Variants in ELAVL3 observed in about 807,000 individuals in gnomAD.
The protein encoded by ELAVL3 is ELAV like RNA binding protein 3.
A neutral mutation model predicts 34.2 loss-of-function variants in ELAVL3; 8 were observed. The ratio of observed to expected loss-of-function variants is 0.23; its 90% CI spans 0.14 to 0.42. The LOEUF (loss-of-function observed/expected upper bound fraction) is 0.42. ELAVL3 is among the 10% of genes least tolerant of loss of function. The probability of loss-of-function intolerance (pLI) is 1.00; values close to 1 mark genes in which losing one functional copy is unlikely to be tolerated. For synonymous variants in ELAVL3, 209 were observed against 222.1 expected (o/e 0.94, Z 0.53); for missense variants, 273 against 518.8 (o/e 0.53, Z 4.60).
chr19:11,465,175 CACAT>C (rs1256800155), intron 3 of ELAVL3, among the ~76,000 whole-genome samples: 2 of 144,070 alleles, frequency 1.4e-5, no homozygotes, highest in Non-Finnish European at 3.0e-5. Context: ...ATACCACACA[CACAT>C]ACACGTAATA....
chr19:11,467,680 C>T (rs552054161), intron 1 of ELAVL3, among the ~76,000 whole-genome samples: 9 of 152,096 alleles, frequency 5.9e-5, no homozygotes, highest in African/African-American at 2.2e-4. Context: ...GATGGGGTTT[C>T]GGCACGTTGG....
At chr19:11,461,607 G>T (rs1970887251) in intron 3 of ELAVL3, among the ~76,000 whole-genome samples, 1 of 151,000 alleles carries the variant, frequency 6.6e-6, no homozygotes, top group African/African-American at 2.4e-5. Flanking sequence ...TTGTTTGTGG[G>T]TTTGTTTTGA....
chr19:11,470,233 T>C (rs1331389109), intron 1 of ELAVL3, among the ~76,000 whole-genome samples: 1 of 151,920 alleles, frequency 6.6e-6, no homozygotes, highest in Non-Finnish European at 1.5e-5. Flanking sequence ...CACACGCCTG[T>C]AATCCCAGCT....
chr19:11,454,154 T>C lies in ELAVL3; in HGVS notation c.*372A>G. ...CAAGGGGGTCTGGGAGGGCACCCCC[T>C]GGAGCCCCCCAAGCCATCCCATCGG... On this transcript the variant is annotated 3_prime_UTR_variant, in exon 7 of 7. Coordinates refer to ENST00000359227, the MANE Select transcript of ELAVL3 (RefSeq NM_001420.4). This position sits in a 1 kb window ranked among gnomAD's most constrained non-coding sequence, Gnocchi z 9.2. 1 of 191,520 alleles carries C rather than the reference T, an allele frequency of 5.2e-6. No individual in the cohort carries two copies. Among genetic ancestry groups the C allele is most frequent in the South Asian group, 1.2e-4 (1 of 8,078 alleles). 11.9% of individuals were successfully genotyped at this position (191,520 alleles called of 1,614,324 possible). A position where few individuals can be genotyped will look rare whatever the true frequency, so the allele number is the denominator to read the frequency against.
intron 6 of ELAVL3, among the ~76,000 whole-genome samples, chr19:11,456,636 A>G (rs1158013613): frequency 1.3e-5 from 2 of 151,442 alleles, no homozygotes; most frequent in East Asian, 3.9e-4. Flanking sequence ...AGTAGCTGGG[A>G]TTACAGGCAT....
Position 11,464,123 on chromosome 19 carries a change from G to GTCTCTCTCTC in ELAVL3, c.333+2039_333+2048dup, listed in dbSNP as rs1165917141. Among the ~76,000 whole-genome samples, 86 of 110,946 alleles carry GTCTCTCTCTC rather than the reference G, an allele frequency of 7.8e-4. 1 individual carries two copies. The highest frequency in any genetic ancestry group is 4.4e-3 in the Middle Eastern group (1 of 226). The allele number at this position is 110,946 out of a possible 152,430, so 72.8% of individuals were successfully genotyped here. On this transcript the variant is annotated intron_variant, in intron 3 of 6. Coordinates refer to ENST00000359227, the MANE Select transcript of ELAVL3 (RefSeq NM_001420.4). ...CCTCTCTCTCTCTCTGTCTCTCTCTGTCTCTCTCTCTCTCTCTCTCTCTCT... is the reference window on the plus strand; with the variant it reads ...CCTCTCTCTCTCTCTGTCTCTCTCTGTCTCTCTCTCTCTCTCTCTCTCTCTCTCTCTCTCT...
At position 11,466,486 on chromosome 19, in the gene ELAVL3, C is replaced by T; in HGVS notation, c.229+122G>A. 8.1e-7 allele frequency: 1 copy of T among 1,229,222 alleles called. No homozygotes were observed. The allele number at this position is 1,229,222 out of a possible 1,614,324, so 76.1% of individuals were successfully genotyped here. A position where few individuals can be genotyped will look rare whatever the true frequency, so the allele number is the denominator to read the frequency against. On this transcript the variant is annotated intron_variant, in intron 2 of 6. Coordinates refer to ENST00000359227, the MANE Select transcript of ELAVL3 (RefSeq NM_001420.4). The surrounding 1 kb of genome is among the most constrained non-coding windows in gnomAD (Gnocchi z 5.0). ...CATCTCCCCATCAGACCTCACATCC[C>T]TAGACCACCTCCTGCCTCGATTACC...
intron 3 of ELAVL3, among the ~76,000 whole-genome samples, chr19:11,461,072 G>A (rs1171869888): frequency 2.0e-5 from 3 of 151,562 alleles, no homozygotes; most frequent in African/African-American, 4.8e-5. Flanking sequence ...CCAGCTACTC[G>A]GGAGACTGAG....
At chr19:11,455,991 C>G (rs1289054938) in intron 6 of ELAVL3, among the ~76,000 whole-genome samples, 1 of 152,202 alleles carries the variant, frequency 6.6e-6, no homozygotes, top group East Asian at 1.9e-4. Flanking sequence ...CCTTCTGGCC[C>G]TCTTTGCACA....
intron 1 of ELAVL3, among the ~76,000 whole-genome samples, chr19:11,469,499 C>T (rs1436977407): frequency 2.6e-5 from 4 of 151,724 alleles, no homozygotes; most frequent in African/African-American, 2.4e-5. Context: ...ACACTGGTCT[C>T]GAACTCTTGA....
chr19:11,460,909 T>C (rs1970869100), intron 3 of ELAVL3, among the ~76,000 whole-genome samples: 1 of 150,640 alleles, frequency 6.6e-6, no homozygotes, highest in Non-Finnish European at 1.5e-5. Context: ...CCCAGTGCTC[T>C]GGAAGTTCAA....
At chr19:11,455,784 A>C (rs1323414680) in intron 6 of ELAVL3, among the ~76,000 whole-genome samples, 1 of 152,098 alleles carries the variant, frequency 6.6e-6, no homozygotes, top group Non-Finnish European at 1.5e-5. Context: ...TCCCTGCAAG[A>C]GTTTGTTCCA....
chr19:11,463,610 C>T (rs939731728), intron 3 of ELAVL3, among the ~76,000 whole-genome samples: 7 of 152,122 alleles, frequency 4.6e-5, no homozygotes, highest in Non-Finnish European at 7.3e-5. Flanking sequence ...CAGAGCCAGA[C>T]GCATCCCTGA....
intron 1 of ELAVL3, among the ~76,000 whole-genome samples, chr19:11,478,373 C>G (rs142720087): frequency 6.6e-6 from 1 of 152,080 alleles, no homozygotes; most frequent in Non-Finnish European, 1.5e-5. Context: ...GTGGCTGAGC[C>G]GGCTGAGCTG....
At chr19:11,462,123 C>T (rs923593772) in intron 3 of ELAVL3, among the ~76,000 whole-genome samples, 2 of 137,988 alleles carry the variant, frequency 1.4e-5, no homozygotes, top group African/African-American at 2.9e-5. Context: ...TGCAGTGAGC[C>T]GAGATCGCGC....
At chr19:11,464,168 T>TG (rs34925349) in intron 3 of ELAVL3, among the ~76,000 whole-genome samples, 1 of 79,138 alleles carries the variant, frequency 1.3e-5, no homozygotes, top group Non-Finnish European at 2.2e-5. Flanking sequence ...TATATATATA[T>TG]TTTTTTTTTT....
rs193031656 is a variant in ELAVL3 at position 11,474,318 on chromosome 19, C to T, written c.9+6282G>A. On this transcript the variant is annotated intron_variant, in intron 1 of 6. Coordinates refer to ENST00000359227, the MANE Select transcript of ELAVL3 (RefSeq NM_001420.4). ...AAAGTGCTAAGGATTCAGTTGTAGC[C>T]AGGCACGGTTGCTCACGTCTGTAAT... Among the ~76,000 whole-genome samples the T allele has an allele frequency of 1.5e-4, 23 of 152,224 alleles. No individual in the cohort carries two copies. The East Asian group carries it at 4.3e-3, about 28-fold the overall frequency.
At position 11,454,961 on chromosome 19, in the gene ELAVL3, T is replaced by C. The variant is rs894809726; in HGVS notation, c.753-84A>G. ...TGACCCTTCACACCTTTATGACCCC[T>C]GACTGTGCCATGACCTTGGAATGGT... On this transcript the variant is annotated intron_variant, in intron 6 of 6. Coordinates refer to ENST00000359227, the MANE Select transcript of ELAVL3 (RefSeq NM_001420.4). This position sits in a 1 kb window ranked among gnomAD's most constrained non-coding sequence, Gnocchi z 9.2. 1 of 1,424,450 alleles carries C rather than the reference T, an allele frequency of 7.0e-7. No homozygotes were observed. Among genetic ancestry groups the C allele is most frequent in the Admixed American group, 2.1e-5 (1 of 47,250 alleles). The allele number at this position is 1,424,450 out of a possible 1,614,324, so 88.2% of individuals were successfully genotyped here.
Position 11,458,304 on chromosome 19 carries a change from T to C in ELAVL3, c.488-18A>G. On this transcript the variant is annotated intron_variant, in intron 4 of 6. Coordinates refer to ENST00000359227, the MANE Select transcript of ELAVL3 (RefSeq NM_001420.4). This position sits in a 1 kb window ranked among gnomAD's most constrained non-coding sequence, Gnocchi z 7.3. ...AGAGACACCTGCCAGGGGGCAGGGA[T>C]GTCCATCACGACGACCCTGTCCCCT... The C allele has an allele frequency of 1.2e-6, 2 of 1,612,438 alleles. No homozygotes were observed. Among genetic ancestry groups the C allele is most frequent in the Admixed American group, 1.7e-5 (1 of 60,006 alleles).
Sources: gnomAD v4.1 joint callset for allele counts (sites outside exome capture counted in the v4.1 genomes callset) on GRCh38, gnomAD v4.1.1 for gene constraint, Gnocchi (gnomAD v3.1) non-coding constraint, MANE v1.5 for transcripts, NCBI Gene and HGNC (gene_info 2026-07-23, HGNC 2026-07-21) for gene names.